LAMA2: variants seen among roughly 807,000 people sequenced by gnomAD.
The protein encoded by LAMA2 is laminin subunit alpha-2.
In LAMA2, 269 loss-of-function variants were observed where a neutral mutation model predicts 364.8. That is an observed-to-expected ratio of 0.74 (90% CI 0.67 to 0.82). LAMA2 has a LOEUF of 0.82. Among genes scored for constraint, LAMA2 ranks in the 40% least tolerant of loss-of-function variants. LAMA2 has a pLI of 0.00. For synonymous variants in LAMA2, 1,379 were observed against 1,370.6 expected, an observed-to-expected ratio of 1.01 and a Z score of -0.14; for missense variants, 3,807 against 3,873.2, an observed-to-expected ratio of 0.98 and a Z score of 0.45.
chr6:129,033,122 T>A (rs899868768), intron 1 of LAMA2, among the ~76,000 whole-genome samples: 1 of 151,774 alleles, frequency 6.6e-6, no homozygotes, highest in Non-Finnish European at 1.5e-5. Flanking sequence ...AGATGGTGTG[T>A]AAATGGGTTG....
At chr6:129,453,972 AAAAAT>A (rs1782824653) in intron 46 of LAMA2, among the ~76,000 whole-genome samples, 178 bp from the exon 47 acceptor site, 1 of 150,270 alleles carries the variant, frequency 6.7e-6, no homozygotes, top group African/African-American at 2.4e-5. Context: ...TTAAGGATAT[AAAAAT>A]AAAATATTAT....
At chr6:128,916,268 T>C (rs1778310291) in intron 1 of LAMA2, among the ~76,000 whole-genome samples, 1 of 152,192 alleles carries the variant, frequency 6.6e-6, no homozygotes, top group South Asian at 2.1e-4. Context: ...ATATGAGAAT[T>C]GAGGCCAAAA....
intron 1 of LAMA2, among the ~76,000 whole-genome samples, chr6:129,031,160 T>G (rs1370056657): frequency 6.6e-6 from 1 of 152,214 alleles, no homozygotes; most frequent in Admixed American, 6.5e-5. Flanking sequence ...AGTGTTTTGC[T>G]ATAAACACTG....
chr6:129,240,132 G>A (rs748068506), intron 12 of LAMA2, among the ~76,000 whole-genome samples: 22 of 152,278 alleles, frequency 1.4e-4, no homozygotes, highest in Middle Eastern at 3.4e-3. Context: ...GGAAGCATCC[G>A]GCATAGGAGA....
In LAMA2 at chr6:129,148,958, T is replaced by G. The variant is rs1778640041; in HGVS notation, c.910-21T>G. On this transcript the variant is annotated intron_variant, in intron 6 of 64. Transcript: ENST00000421865. ...TTCTAAATGAGGCTAAAATTTGTGCTTCCTCCCTCTTTTTGACTAGAAATC... is the reference window on the plus strand; with the variant it reads ...TTCTAAATGAGGCTAAAATTTGTGCGTCCTCCCTCTTTTTGACTAGAAATC... 1.9e-6 allele frequency: 3 copies of G among 1,547,542 alleles called. No individual in the cohort carries two copies. The African/African-American group carries it at 4.1e-5, about 21-fold the overall frequency.
At chr6:129,258,008 G>A (rs557999317) in intron 14 of LAMA2, among the ~76,000 whole-genome samples, 2 of 150,962 alleles carry the variant, frequency 1.3e-5, no homozygotes, top group Non-Finnish European at 2.9e-5. Flanking sequence ...ACATTTATCT[G>A]TCTATCTACC....
chr6:129,163,100 A>AT (rs71543157), intron 8 of LAMA2, among the ~76,000 whole-genome samples: 25 of 151,730 alleles, frequency 1.6e-4, no homozygotes, highest in Non-Finnish European at 2.5e-4. Context: ...ATTTTAGGCT[A>AT]TTTTTTTTAT....
intron 1 of LAMA2, among the ~76,000 whole-genome samples, chr6:129,025,723 C>T (rs1017515044): frequency 6.6e-6 from 1 of 152,114 alleles, no homozygotes; most frequent in Non-Finnish European, 1.5e-5. Flanking sequence ...ATGATGTGAG[C>T]TCTGTGGTCT....
intron 1 of LAMA2, among the ~76,000 whole-genome samples, chr6:128,993,057 G>A (rs955379192): frequency 2.6e-5 from 4 of 152,100 alleles, no homozygotes; most frequent in Admixed American, 6.6e-5. Flanking sequence ...CCATCAATGA[G>A]AGCTCTCCCT....
At chr6:128,965,221 C>T (rs1185491847) in intron 1 of LAMA2, among the ~76,000 whole-genome samples, 5 of 151,988 alleles carry the variant, frequency 3.3e-5, no homozygotes, top group African/African-American at 1.2e-4. Context: ...CTTAGAAGCA[C>T]TGAGCTGACC....
At chr6:129,355,058 T>G (rs1240951663) in intron 32 of LAMA2, among the ~76,000 whole-genome samples, 1 of 152,150 alleles carries the variant, frequency 6.6e-6, no homozygotes, top group Non-Finnish European at 1.5e-5. Flanking sequence ...GTTGCTGGAC[T>G]GGAAGTGTTT....
intron 12 of LAMA2, among the ~76,000 whole-genome samples, chr6:129,219,227 T>G (rs1385282125): frequency 1.3e-5 from 2 of 151,996 alleles, no homozygotes; most frequent in Admixed American, 1.3e-4. Flanking sequence ...CATGAAAAAA[T>G]GCTCACCATC....
chr6:129,417,375 C>A (rs894158201), intron 40 of LAMA2, among the ~76,000 whole-genome samples: 5 of 152,148 alleles, frequency 3.3e-5, no homozygotes, highest in Admixed American at 6.5e-5. Context: ...TAGCTCCTAT[C>A]CACAGGTAGA....
intron 4 of LAMA2, among the ~76,000 whole-genome samples, chr6:129,124,087 A>G (rs1776968195): frequency 6.6e-6 from 1 of 152,174 alleles, no homozygotes; most frequent in African/African-American, 2.4e-5. Context: ...CAGTATAGAA[A>G]TACCTATTTT....
intron 34 of LAMA2, among the ~76,000 whole-genome samples, chr6:129,378,460 T>C (rs9483018): frequency 1.3e-5 from 2 of 152,220 alleles, no homozygotes; most frequent in African/African-American, 4.8e-5. Flanking sequence ...CTCTCGTGGG[T>C]ATTTTTGACC....
intron 40 of LAMA2, among the ~76,000 whole-genome samples, chr6:129,404,210 A>G (rs1328140135): frequency 1.3e-5 from 2 of 152,144 alleles, no homozygotes; most frequent in Non-Finnish European, 2.9e-5. Flanking sequence ...TGTGCTACCA[A>G]CTCACAAAAT....
At chr6:129,424,026 T>C (rs1464257311) in intron 40 of LAMA2, among the ~76,000 whole-genome samples, 5 of 152,032 alleles carry the variant, frequency 3.3e-5, no homozygotes, top group Admixed American at 3.3e-4. Flanking sequence ...GGTATCAATA[T>C]TGACAAATAG....
intron 12 of LAMA2, among the ~76,000 whole-genome samples, chr6:129,240,762 G>T (rs969758614): frequency 6.6e-6 from 1 of 152,144 alleles, no homozygotes; most frequent in South Asian, 2.1e-4. Flanking sequence ...AATTGAAAAT[G>T]CATTTATAAC....
intron 3 of LAMA2, among the ~76,000 whole-genome samples, chr6:129,095,665 CTT>C (rs1175140625): frequency 6.6e-6 from 1 of 150,452 alleles, no homozygotes; most frequent in Non-Finnish European, 1.5e-5. Context: ...AATCCCAACA[CTT>C]TGTGAGGCTG....
Sources: gnomAD v4.1 joint callset for allele counts (sites outside exome capture counted in the v4.1 genomes callset) on GRCh38, gnomAD v4.1.1 for gene constraint, MANE v1.5 for transcripts, NCBI Gene and HGNC (gene_info 2026-07-23, HGNC 2026-07-21) for gene names.